POLR2B: variants seen among roughly 807,000 people sequenced by gnomAD.
POLR2B encodes the protein RNA polymerase II subunit B.
POLR2B carries 57 observed loss-of-function variants against 144.6 expected under a neutral mutation model. The ratio of observed to expected loss-of-function variants is 0.39; its 90% CI spans 0.32 to 0.49. The LOEUF (loss-of-function observed/expected upper bound fraction) is 0.49, where lower values mean the gene tolerates loss of function less well. Among genes scored for constraint, POLR2B ranks in the 20% least tolerant of loss-of-function variants. POLR2B has a pLI of 0.83. For missense variants in POLR2B, 595 were observed against 1,467.4 expected, an observed-to-expected ratio of 0.41 and a Z score of 9.71; for synonymous variants, 442 against 469.8, an observed-to-expected ratio of 0.94 and a Z score of 0.77.
Position 57,011,946 on chromosome 4 carries a change from A to G in POLR2B, c.1800+846A>G, listed in dbSNP as rs11133471. ...ATTTTAAAGTAAAAATTCTTTTGGG[A>G]ATCTTTTTATAAAGCTGAGAATACT... is the stretch of plus-strand genomic sequence containing the variant. On this transcript the variant is annotated intron_variant, in intron 13 of 24. Transcript: ENST00000314595. 1.7e-3 allele frequency among the ~76,000 whole-genome samples: 260 copies of G among 152,330 alleles called. 1 individual carries two copies. The highest frequency in any genetic ancestry group is 6.1e-3 in the African/African-American group (252 of 41,586).
At chr4:57,020,411 GATATGATATTTTCT>G (rs1723505097) in intron 16 of POLR2B, among the ~76,000 whole-genome samples, 1 of 152,166 alleles carries the variant, frequency 6.6e-6, no homozygotes, top group Admixed American at 6.6e-5. Context: ...TGGTGGGAAA[GATATGATATTTTCT>G]TGGTGGCAGA....
chr4:57,012,218 A>C (rs1456092330), intron 13 of POLR2B, among the ~76,000 whole-genome samples: 1 of 152,124 alleles, frequency 6.6e-6, no homozygotes, highest in Non-Finnish European at 1.5e-5. Context: ...CAGCCTGGCC[A>C]ACATGGCAAA....
At position 56,999,689 on chromosome 4, in the gene POLR2B, A is replaced by G; in HGVS notation, c.808A>G (p.Ile270Val). The part of the protein sequence containing the change: ...LPYIKQEVPI[I>V]IVFRALGFVS... ...ATATATCAAGCAAGAAGTTCCCATCATTATTGTGTTCAGAGCATTAGGTTT... is the reference window on the plus strand; with the variant it reads ...ATATATCAAGCAAGAAGTTCCCATCGTTATTGTGTTCAGAGCATTAGGTTT... The change falls in exon 7 of 25, where the codon ATT becomes GTT. Residue 270 changes from isoleucine (I) to valine (V), a missense_variant. Physicochemically the swap from Ile to Val is conservative, Grantham distance 29 (BLOSUM62 3). Around this residue, in one of 9 missense-constraint regions of POLR2B, gnomAD observed 251 missense variants for 567.3 expected, o/e 0.44. Transcript: ENST00000314595. 1 of 1,611,326 alleles carries G rather than the reference A, an allele frequency of 6.2e-7. No homozygotes were observed. The highest frequency in any genetic ancestry group is 8.5e-7 in the Non-Finnish European group (1 of 1,177,446).
intron 6 of POLR2B, among the ~76,000 whole-genome samples, chr4:56,998,528 T>A (rs1722759090): frequency 6.6e-6 from 1 of 151,986 alleles, no homozygotes; most frequent in African/African-American, 2.4e-5. Flanking sequence ...CCTAAAATTT[T>A]AAAAATATTT....
intron 1 of POLR2B, among the ~76,000 whole-genome samples, chr4:56,984,866 A>AT (rs75634731): frequency 6.6e-6 from 1 of 151,846 alleles, no homozygotes; most frequent in Non-Finnish European, 1.5e-5. Flanking sequence ...GTGCACACTG[A>AT]TTTTTTTTTG....
intron 9 of POLR2B, 100 bp downstream of exon 9, chr4:57,005,819 T>TG: frequency 9.5e-7 from 1 of 1,052,568 alleles, no homozygotes; most frequent in African/African-American, 1.6e-5. Context: ...GCATCCACGT[T>TG]GGGTACTTAT....
rs149682251 is a variant in POLR2B, at chr4:57,011,061, A to G, written c.1761A>G (p.Leu587=). The G allele has an allele frequency of 3.7e-5, 59 of 1,613,416 alleles. No individual in the cohort carries two copies. In the African/African-American group the frequency reaches 7.6e-4, roughly 21 times the overall value. ...ATCCCGAACAACTTATGAACACCCTAAGGAAATTGAGACGTCAGATGGACA... is the reference window on the plus strand; with the variant it reads ...ATCCCGAACAACTTATGAACACCCTGAGGAAATTGAGACGTCAGATGGACA... ...HKDPEQLMNT[L]RKLRRQMDII... The change falls in exon 13 of 25, where the codon CTA becomes CTG. Residue 587 remains leucine, a synonymous_variant. Coordinates refer to ENST00000314595, the MANE Select transcript of POLR2B (RefSeq NM_000938.3).
At chr4:56,985,436 G>T in intron 1 of POLR2B, 1 of 985,362 alleles carries the variant, frequency 1.0e-6, no homozygotes, top group Non-Finnish European at 1.2e-6. Context: ...CCGCCCCGTG[G>T]GGCGGCCCCG....
chr4:56,995,240 T>C lies in POLR2B; in HGVS notation c.577-11T>C, dbSNP rs1344846015. 2.5e-6 allele frequency: 4 copies of C among 1,587,380 alleles called. No individual in the cohort carries two copies. The highest frequency in any genetic ancestry group is 2.6e-6 in the Non-Finnish European group (3 of 1,162,820). ...GATTTTATGGCTGTAACTTTCTTAT[T>C]GTCCAAATAGGTTCTGATTGCCCAA... On this transcript the variant is annotated splice_polypyrimidine_tract_variant and intron_variant, in intron 5 of 24. Transcript: ENST00000314595.
chr4:57,010,523 C>T lies in POLR2B; in HGVS notation c.1548+19C>T. ...CCCAGAGGTAATACATTAGAATTTA[C>T]ATTCAGGACAAAAAGTCAGTGGGTA... On this transcript the variant is annotated intron_variant, in intron 11 of 24. Transcript: ENST00000314595. 6.3e-7 allele frequency: 1 copy of T among 1,598,058 alleles called. No individual in the cohort carries two copies.
At chr4:57,006,029 C>G (rs1023583138) in intron 9 of POLR2B, among the ~76,000 whole-genome samples, 5 of 152,070 alleles carry the variant, frequency 3.3e-5, no homozygotes, top group Admixed American at 3.3e-4. Flanking sequence ...CTGCTTTGTA[C>G]ACATATATAC....
chr4:57,018,215 G>A (rs1185850392), intron 16 of POLR2B, among the ~76,000 whole-genome samples: 1 of 152,126 alleles, frequency 6.6e-6, no homozygotes, highest in South Asian at 2.1e-4. Context: ...CAACCTTTTG[G>A]ATCAGGGAAG....
intron 1 of POLR2B, chr4:56,985,341 G>A (rs1030963868): frequency 4.1e-6 from 4 of 985,264 alleles, no homozygotes; most frequent in Admixed American, 6.2e-5. Flanking sequence ...TTCCGTGCCC[G>A]GTAGCCGCGA....
chr4:56,980,910 T>C (rs1288554970), intron 1 of POLR2B, among the ~76,000 whole-genome samples: 2 of 151,848 alleles, frequency 1.3e-5, no homozygotes, highest in African/African-American at 4.8e-5. Flanking sequence ...GTTCAAGCAG[T>C]TCTCCTGCCT....
At chr4:57,018,932 G>C (rs1037321564) in intron 16 of POLR2B, among the ~76,000 whole-genome samples, 1 of 152,168 alleles carries the variant, frequency 6.6e-6, no homozygotes, top group Non-Finnish European at 1.5e-5. Context: ...TATTAAAGGA[G>C]ACAGTAGAGT....
intron 1 of POLR2B, among the ~76,000 whole-genome samples, chr4:56,984,195 A>G (rs1278552791): frequency 2.0e-5 from 3 of 152,128 alleles, no homozygotes; most frequent in Admixed American, 2.0e-4. Flanking sequence ...GGATGAGTAA[A>G]TGAGTCTCCT....
At chr4:56,996,206 A>ATTTGTGTGTGTGTGTG in intron 6 of POLR2B, among the ~76,000 whole-genome samples, 1 of 115,338 alleles carries the variant, frequency 8.7e-6, no homozygotes, top group Non-Finnish European at 1.7e-5. Flanking sequence ...ATTTCAGTTC[A>ATTTGTGTGTGTGTGTG]TGTGTGTGTG....
chr4:57,000,707 G>C (rs910225687), intron 7 of POLR2B, among the ~76,000 whole-genome samples: 8 of 124,496 alleles, frequency 6.4e-5, no homozygotes, highest in African/African-American at 2.1e-4. Flanking sequence ...TGTTTTTTTT[G>C]GGGGGGAGGA....
intron 5 of POLR2B, among the ~76,000 whole-genome samples, 184 bp downstream of exon 5, chr4:56,995,050 A>G (rs1370699671): frequency 3.9e-5 from 6 of 152,214 alleles, no homozygotes; most frequent in African/African-American, 1.4e-4. Context: ...GCTGTATATA[A>G]CATGCACTGG....
Sources: gnomAD v4.1 joint callset for allele counts (sites outside exome capture counted in the v4.1 genomes callset) on GRCh38, gnomAD v4.1.1 for gene constraint, gnomAD v4.1.1 regional missense constraint, MANE v1.5 for transcripts, NCBI Gene and HGNC (gene_info 2026-07-23, HGNC 2026-07-21) for gene names.